The following MARCHF1 variants were observed in gnomAD, a reference collection of about 807,000 sequenced individuals.
MARCHF1 encodes membrane associated ring-CH-type finger 1, also known as E3 ubiquitin-protein ligase MARCHF1.
In MARCHF1, 40 loss-of-function variants were observed where a neutral mutation model predicts 54.2. That is an observed-to-expected ratio of 0.74 (90% CI 0.57 to 0.96). The LOEUF is 0.96. Ranked by LOEUF, MARCHF1 falls within the 40% of genes least tolerant of loss-of-function variation. The pLI is 0.00. For missense variants in MARCHF1, 586 were observed against 656.5 expected (o/e 0.89, Z 1.17); for synonymous variants, 236 against 236.3 (o/e 1.00, Z 0.01).
intron 4 of MARCHF1, among the ~76,000 whole-genome samples, chr4:163,762,225 T>C (rs1437174090): frequency 2.0e-5 from 3 of 152,176 alleles, no homozygotes; most frequent in Non-Finnish European, 4.4e-5. Flanking sequence ...TATTCATTAT[T>C]TTATTTCCCA....
chr4:163,566,582 T>G (rs1303000677), intron 8 of MARCHF1, among the ~76,000 whole-genome samples: 1 of 152,184 alleles, frequency 6.6e-6, no homozygotes, highest in African/African-American at 2.4e-5. Context: ...GGTGATAGGA[T>G]GCCTAATAGA....
intron 1 of MARCHF1, among the ~76,000 whole-genome samples, chr4:164,295,443 CACAA>C (rs1250865496): frequency 2.5e-5 from 2 of 79,920 alleles, no homozygotes; most frequent in South Asian, 3.6e-4. Context: ...CACACATACA[CACAA>C]ACACACACAC....
At chr4:164,221,351 T>G (rs1000562214) in intron 1 of MARCHF1, among the ~76,000 whole-genome samples, 1 of 151,614 alleles carries the variant, frequency 6.6e-6, no homozygotes, top group African/African-American at 2.4e-5. Flanking sequence ...ATTACACAAA[T>G]AAAATAAAAA....
chr4:164,152,842 A>G (rs1729977223), intron 1 of MARCHF1, among the ~76,000 whole-genome samples: 1 of 152,188 alleles, frequency 6.6e-6, no homozygotes, highest in Non-Finnish European at 1.5e-5. Flanking sequence ...CCAATTGTCA[A>G]CCAGAAAATG....
chr4:163,940,522 T>C (rs1165546281), intron 3 of MARCHF1, among the ~76,000 whole-genome samples: 2 of 152,102 alleles, frequency 1.3e-5, no homozygotes, highest in Non-Finnish European at 2.9e-5. Context: ...TGTGTGTGTG[T>C]TTCATATGTG....
chr4:163,610,529 A>G (rs1741302942), intron 7 of MARCHF1, among the ~76,000 whole-genome samples: 1 of 152,068 alleles, frequency 6.6e-6, no homozygotes, highest in Non-Finnish European at 1.5e-5. Flanking sequence ...TTAGCCTACA[A>G]CTAGCTTCTT....
chr4:164,242,941 AG>A (rs1732820049), intron 1 of MARCHF1, among the ~76,000 whole-genome samples: 1 of 140,894 alleles, frequency 7.1e-6, no homozygotes, highest in African/African-American at 2.7e-5. Context: ...AAGAATAAAA[AG>A]AAATGAGCAA....
chr4:163,931,240 C>CTGTCTA (rs1751666826), intron 3 of MARCHF1, among the ~76,000 whole-genome samples: 1 of 152,082 alleles, frequency 6.6e-6, no homozygotes, highest in Non-Finnish European at 1.5e-5. Flanking sequence ...TTAAGTCACC[C>CTGTCTA]TGTCTATGGT....
At position 164,284,481 on chromosome 4, in the gene MARCHF1, T is replaced by C. The variant is rs1352042112; in HGVS notation, c.-323+99389A>G. Among the ~76,000 whole-genome samples the C allele has an allele frequency of 1.3e-5, 2 of 151,134 alleles. 1 individual carries two copies. The highest frequency in any genetic ancestry group is 4.0e-4 in the East Asian group (2 of 4,950). ...TAACATATTATGGCAATTAGGTAAG[T>C]AAGGATTTGAATATTCAGGTTCTAG... is the stretch of plus-strand genomic sequence containing the variant. On this transcript the variant is annotated intron_variant, in intron 1 of 9. Transcript: ENST00000514618.
chr4:163,815,373 T>C (rs936177415), intron 4 of MARCHF1, among the ~76,000 whole-genome samples: 13 of 152,206 alleles, frequency 8.5e-5, no homozygotes, highest in African/African-American at 3.1e-4. Flanking sequence ...TTCTGGTTGA[T>C]AAAGAAAGGC....
chr4:163,737,167 T>TC (rs1052855670), intron 4 of MARCHF1, among the ~76,000 whole-genome samples: 12 of 90,472 alleles, frequency 1.3e-4, no homozygotes, highest in African/African-American at 4.0e-4. Flanking sequence ...TTTCTTTCTT[T>TC]TTTTTTTTTT....
chr4:163,683,387 T>C (rs1168013528), intron 5 of MARCHF1, among the ~76,000 whole-genome samples: 1 of 152,112 alleles, frequency 6.6e-6, no homozygotes, highest in Non-Finnish European at 1.5e-5. Flanking sequence ...GCCCCCATGA[T>C]TCAGTTACCT....
At chr4:164,282,927 C>G (rs1352950650) in intron 1 of MARCHF1, among the ~76,000 whole-genome samples, 3 of 151,258 alleles carry the variant, frequency 2.0e-5, no homozygotes, top group Non-Finnish European at 4.4e-5. Context: ...TTATAAATGA[C>G]TCTGACCCTA....
chr4:164,196,961 T>C, intron 1 of MARCHF1: 2 of 1,599,840 alleles, frequency 1.3e-6, no homozygotes, highest in African/African-American at 1.3e-5. Flanking sequence ...TTTTTCAAAA[T>C]AGGTTATTCT....
chr4:163,642,693 G>A (rs1742596920), intron 5 of MARCHF1, among the ~76,000 whole-genome samples: 1 of 152,054 alleles, frequency 6.6e-6, no homozygotes. Context: ...CTTCTGGTTT[G>A]TTCCTCCAGA....
chr4:164,199,557 G>T (rs772194321), intron 1 of MARCHF1, among the ~76,000 whole-genome samples: 146 of 151,320 alleles, frequency 9.6e-4, no homozygotes, highest in Non-Finnish European at 1.7e-3. Flanking sequence ...GCAGGGAATC[G>T]CTTGAGAGGC....
intron 4 of MARCHF1, among the ~76,000 whole-genome samples, chr4:163,791,628 T>C (rs1747776311): frequency 6.6e-6 from 1 of 152,158 alleles, no homozygotes; most frequent in Non-Finnish European, 1.5e-5. Flanking sequence ...GCCCTTTGTT[T>C]ACAAAAACAA....
intron 1 of MARCHF1, among the ~76,000 whole-genome samples, chr4:164,272,504 A>T (rs1237136148): frequency 6.6e-6 from 1 of 152,140 alleles, no homozygotes; most frequent in Non-Finnish European, 1.5e-5. Flanking sequence ...TGAAAAAGTA[A>T]GAAGCTGAAG....
At position 163,652,406 on chromosome 4, in the gene MARCHF1, T is replaced by TCA. The variant is rs1224937906; in HGVS notation, c.163-39015_163-39014dup. Among the ~76,000 whole-genome samples the TCA allele has an allele frequency of 2.0e-5, 3 of 151,966 alleles. No homozygotes were observed. In the South Asian group the frequency reaches 6.2e-4, roughly 32 times the overall value. On this transcript the variant is annotated intron_variant, in intron 5 of 9. Coordinates refer to ENST00000514618, the MANE Select transcript of MARCHF1 (RefSeq NM_001394959.1). ...TGTATTCACCATGAGCTAGCCATAT[T>TCA]CACTTCTTTTCTGTTCCTTCAACAC...
Sources: gnomAD v4.1 joint callset for allele counts (sites outside exome capture counted in the v4.1 genomes callset) on GRCh38, gnomAD v4.1.1 for gene constraint, MANE v1.5 for transcripts, NCBI Gene and HGNC (gene_info 2026-07-23, HGNC 2026-07-21) for gene names.